PRKN: variants seen among roughly 807,000 people sequenced by gnomAD.
PRKN encodes the protein E3 ubiquitin-protein ligase parkin.
In PRKN, 56 loss-of-function variants were observed where a neutral mutation model predicts 59.5. That is an observed-to-expected ratio of 0.94 (90% CI 0.76 to 1.18). The LOEUF (loss-of-function observed/expected upper bound fraction) is 1.18, where lower values mean the gene tolerates loss of function less well. Among genes scored for constraint, PRKN ranks in the 50% most tolerant of loss-of-function variants. PRKN has a pLI of 0.00. For missense variants in PRKN, 657 were observed against 596.4 expected, an observed-to-expected ratio of 1.10 and a Z score of -1.06; for synonymous variants, 250 against 222.1, an observed-to-expected ratio of 1.13 and a Z score of -1.12.
At chr6:162,509,386 A>AAT (rs1777481178) in intron 1 of PRKN, among the ~76,000 whole-genome samples, 1 of 152,174 alleles carries the variant, frequency 6.6e-6, no homozygotes, top group Non-Finnish European at 1.5e-5. Flanking sequence ...TATATGACCA[A>AAT]ATTTGTATAT....
At chr6:162,343,987 G>C (rs1192701696) in intron 2 of PRKN, among the ~76,000 whole-genome samples, 1 of 152,106 alleles carries the variant, frequency 6.6e-6, no homozygotes, top group African/African-American at 2.4e-5. Flanking sequence ...CTCCCTCTCT[G>C]GCACCTTTAC....
chr6:161,611,336 C>T (rs1293699196), intron 7 of PRKN, among the ~76,000 whole-genome samples: 1 of 152,188 alleles, frequency 6.6e-6, no homozygotes, highest in Non-Finnish European at 1.5e-5. Flanking sequence ...CACTTCACTG[C>T]ATTTTACAGA....
At chr6:162,255,420 T>C (rs923442884) in intron 3 of PRKN, among the ~76,000 whole-genome samples, 4 of 152,202 alleles carry the variant, frequency 2.6e-5, no homozygotes, top group African/African-American at 7.2e-5. Flanking sequence ...TCCTTATCTC[T>C]GTATGAGAAA....
At chr6:162,715,566 G>A (rs1389105080) in intron 1 of PRKN, among the ~76,000 whole-genome samples, 1 of 152,112 alleles carries the variant, frequency 6.6e-6, no homozygotes, top group African/African-American at 2.4e-5. Flanking sequence ...TTGGCTACTG[G>A]CAATTTTATT....
chr6:162,248,144 T>C (rs1024996841), intron 3 of PRKN, among the ~76,000 whole-genome samples: 1 of 152,196 alleles, frequency 6.6e-6, no homozygotes, highest in African/African-American at 2.4e-5. Context: ...TGGAATGAGC[T>C]GTCAAATCAG....
intron 4 of PRKN, among the ~76,000 whole-genome samples, chr6:162,129,105 T>C (rs1781240547): frequency 6.6e-6 from 1 of 152,196 alleles, no homozygotes; most frequent in African/African-American, 2.4e-5. Context: ...ATGATCCTAA[T>C]GAATGTGAAA....
intron 9 of PRKN, among the ~76,000 whole-genome samples, chr6:161,542,953 A>G (rs1403260877): frequency 6.6e-6 from 1 of 152,220 alleles, no homozygotes; most frequent in Non-Finnish European, 1.5e-5. Flanking sequence ...GAAATTACAT[A>G]TTTTTACAAA....
Position 161,897,921 on chromosome 6 carries a change from C to T in PRKN, c.734+75381G>A, listed in dbSNP as rs375385653. On this transcript the variant is annotated intron_variant, in intron 6 of 11. Transcript: ENST00000366898. ...GGCGGAGCTTGCAGTGAGCTGAGAT[C>T]GCGCCACTGCACTCCAGCCTGGGTG... 8.4e-4 allele frequency among the ~76,000 whole-genome samples: 106 copies of T among 125,970 alleles called. No individual in the cohort carries two copies. In the East Asian group the frequency reaches 0.012, roughly 14 times the overall value. The allele number at this position is 125,970 out of a possible 152,430, so 82.6% of individuals were successfully genotyped here.
chr6:162,262,095 A>T (rs1222584210), intron 3 of PRKN, among the ~76,000 whole-genome samples: 3 of 152,326 alleles, frequency 2.0e-5, no homozygotes, highest in South Asian at 2.1e-4. Flanking sequence ...TAATTTTTTT[A>T]AAATAACTAA....
rs1787464138 is a variant in PRKN, at chr6:161,410,224, T to A, written c.1084-23347A>T. On this transcript the variant is annotated intron_variant, in intron 9 of 11. Transcript: ENST00000366898. This position sits in a 1 kb window ranked among gnomAD's most constrained non-coding sequence, Gnocchi z 5.3. ...GAATCTGAAGGAGAGTGAACATGAG[T>A]GAGAGTACGAGCATGTCTCAGCTGG... Among the ~76,000 whole-genome samples, 1 of 151,902 alleles carries A rather than the reference T, an allele frequency of 6.6e-6. No individual in the cohort carries two copies. Among genetic ancestry groups the A allele is most frequent in the Non-Finnish European group, 1.5e-5 (1 of 67,986 alleles).
intron 7 of PRKN, among the ~76,000 whole-genome samples, chr6:161,730,186 ATGTGTTGCATTCTTTC>A (rs1454944858): frequency 3.0e-5 from 4 of 135,300 alleles, no homozygotes; most frequent in African/African-American, 5.8e-5. Context: ...TTGCATTCTG[ATGTGTTGCATTCTTTC>A]TGTGTTGCAT....
At chr6:162,138,222 A>C (rs1293479443) in intron 4 of PRKN, among the ~76,000 whole-genome samples, 1 of 152,200 alleles carries the variant, frequency 6.6e-6, no homozygotes, top group Non-Finnish European at 1.5e-5. Flanking sequence ...CTCAAAGCTC[A>C]CACGGAGGTG....
chr6:162,121,867 T>C (rs116604799), intron 4 of PRKN, among the ~76,000 whole-genome samples: 411 of 152,274 alleles, frequency 2.7e-3, no homozygotes, highest in African/African-American at 9.5e-3. Flanking sequence ...AGCAGTACAA[T>C]ATACTGTCAC....
At chr6:162,645,880 T>C (rs1161732942) in intron 1 of PRKN, among the ~76,000 whole-genome samples, 1 of 145,948 alleles carries the variant, frequency 6.9e-6, no homozygotes, top group Non-Finnish European at 1.5e-5. Flanking sequence ...TTTTTTTTTT[T>C]TTTTTTTTTT....
chr6:161,549,005 T>A lies in PRKN; in HGVS notation c.934-2A>T. The A allele has an allele frequency of 6.2e-7, 1 of 1,614,154 alleles. No individual in the cohort carries two copies. The highest frequency in any genetic ancestry group is 8.5e-7 in the Non-Finnish European group (1 of 1,180,012). On this transcript the variant is annotated splice_acceptor_variant, in intron 8 of 11. Coordinates refer to ENST00000366898, the MANE Select transcript of PRKN (RefSeq NM_004562.3). LOFTEE classifies it high-confidence loss of function. This position sits in a 1 kb window ranked among gnomAD's most constrained non-coding sequence, Gnocchi z 6.0. ...ACCATACTGCTGGTACCGGTTGTACTGCAAAACCCAAAAAGCAGATTGAGC... is the reference window on the plus strand; with the variant it reads ...ACCATACTGCTGGTACCGGTTGTACAGCAAAACCCAAAAAGCAGATTGAGC...
chr6:162,338,402 G>A (rs554627352), intron 2 of PRKN, among the ~76,000 whole-genome samples: 1 of 151,746 alleles, frequency 6.6e-6, no homozygotes, highest in African/African-American at 2.4e-5. Context: ...GCCTGCTACT[G>A]CAGGCACGCG....
At chr6:162,702,826 G>A (rs1439482267) in intron 1 of PRKN, among the ~76,000 whole-genome samples, 4 of 152,188 alleles carry the variant, frequency 2.6e-5, no homozygotes, top group Admixed American at 2.0e-4. Flanking sequence ...ACAAGTGAGA[G>A]ATGTTTAACT....
chr6:161,491,192 T>C (rs915755655), intron 9 of PRKN, among the ~76,000 whole-genome samples: 1 of 152,332 alleles, frequency 6.6e-6, no homozygotes, highest in African/African-American at 2.4e-5. Context: ...TCAAGATCTT[T>C]TGAAATGATT....
chr6:162,119,065 T>G lies in PRKN; in HGVS notation c.535-64891A>C, dbSNP rs564252294. Among the ~76,000 whole-genome samples, 9 of 152,300 alleles carry G rather than the reference T, an allele frequency of 5.9e-5. No homozygotes were observed. The South Asian group carries it at 1.5e-3, about 25-fold the overall frequency. On this transcript the variant is annotated intron_variant, in intron 4 of 11. Transcript: ENST00000366898. ...ATCAGATAGATATTATAGTAGTAAGTGAGGGTGAATTTCTACTTCAGAATA... is the reference window on the plus strand; with the variant it reads ...ATCAGATAGATATTATAGTAGTAAGGGAGGGTGAATTTCTACTTCAGAATA...
Sources: gnomAD v4.1 joint callset for allele counts (sites outside exome capture counted in the v4.1 genomes callset) on GRCh38, gnomAD v4.1.1 for gene constraint, Gnocchi (gnomAD v3.1) non-coding constraint, MANE v1.5 for transcripts, NCBI Gene and HGNC (gene_info 2026-07-23, HGNC 2026-07-21) for gene names.